Variants in NTM observed in about 807,000 individuals in gnomAD.
NTM encodes the protein neurotrimin.
Under a neutral mutation model 42.1 loss-of-function variants are expected in NTM, and 13 were observed. The ratio of observed to expected loss-of-function variants is 0.31; its 90% CI spans 0.20 to 0.49. NTM has a LOEUF of 0.49. Among genes scored for constraint, NTM ranks in the 20% least tolerant of loss-of-function variants. NTM has a pLI of 0.99. For missense variants in NTM, 373 were observed against 452.8 expected (o/e 0.82, Z 1.60); for synonymous variants, 187 against 179.2 (o/e 1.04, Z -0.35).
chr11:132,035,611 C>T (rs1565995419), intron 2 of NTM, among the ~76,000 whole-genome samples: 1 of 151,964 alleles, frequency 6.6e-6, no homozygotes, highest in Non-Finnish European at 1.5e-5. Context: ...TGTAAATTGG[C>T]TATTGGGCTA....
chr11:131,814,982 G>A (rs2092891116), intron 1 of NTM, among the ~76,000 whole-genome samples: 2 of 151,818 alleles, frequency 1.3e-5, no homozygotes, highest in African/African-American at 4.9e-5. Context: ...GCGGGCCATG[G>A]ATTTTGATCT....
At chr11:132,015,633 ATATTT>A (rs151321359) in intron 2 of NTM, among the ~76,000 whole-genome samples, 242 of 143,162 alleles carry the variant, frequency 1.7e-3, no homozygotes, top group South Asian at 7.9e-3. Context: ...TTATTCTTAG[ATATTT>A]TATTTTATTT....
At chr11:132,324,508 C>T (rs1474059085) in intron 7 of NTM, among the ~76,000 whole-genome samples, 6 of 151,548 alleles carry the variant, frequency 4.0e-5, no homozygotes, top group Non-Finnish European at 8.8e-5. Context: ...AACCACTGCT[C>T]AATGAAATCA....
chr11:131,868,531 C>T (rs971258652), intron 1 of NTM, among the ~76,000 whole-genome samples: 8 of 152,296 alleles, frequency 5.3e-5, no homozygotes, highest in Admixed American at 1.3e-4. Flanking sequence ...GAATCAAACC[C>T]GGCTGTAGCC....
At chr11:132,149,817 A>G (rs1182523636) in intron 3 of NTM, among the ~76,000 whole-genome samples, 1 of 152,152 alleles carries the variant, frequency 6.6e-6, no homozygotes, top group Non-Finnish European at 1.5e-5. Flanking sequence ...GGAGGAGACA[A>G]GAGAACTGAG....
chr11:132,071,993 T>C (rs1296409814), intron 2 of NTM, among the ~76,000 whole-genome samples: 2 of 152,148 alleles, frequency 1.3e-5, no homozygotes, highest in Non-Finnish European at 2.9e-5. Context: ...GTGGTTCTTA[T>C]AGGGATTGGC....
chr11:132,195,930 A>T (rs1349103014), intron 3 of NTM, among the ~76,000 whole-genome samples: 1 of 152,190 alleles, frequency 6.6e-6, no homozygotes, highest in African/African-American at 2.4e-5. Context: ...CAAAAGCAAT[A>T]GCAACAGAGC....
chr11:132,203,340 A>G (rs2081429121), intron 3 of NTM, among the ~76,000 whole-genome samples: 2 of 152,164 alleles, frequency 1.3e-5, no homozygotes, highest in South Asian at 4.1e-4. Context: ...ATAAAAAGTG[A>G]TTTCTTAACA....
chr11:131,380,901 T>C (rs2135520109), intron 1 of NTM, among the ~76,000 whole-genome samples: 1 of 152,346 alleles, frequency 6.6e-6, no homozygotes, highest in African/African-American at 2.4e-5. Context: ...ATAAAGCCAT[T>C]TTCTTAGATT....
At chr11:131,755,049 G>T (rs78941444) in intron 1 of NTM, among the ~76,000 whole-genome samples, 3 of 152,286 alleles carry the variant, frequency 2.0e-5, no homozygotes, top group Admixed American at 6.5e-5. Context: ...AGAGCCTTGG[G>T]TATTGATGGC....
At chr11:131,715,184 C>T (rs1188978847) in intron 1 of NTM, among the ~76,000 whole-genome samples, 2 of 152,300 alleles carry the variant, frequency 1.3e-5, no homozygotes, top group African/African-American at 2.4e-5. Flanking sequence ...CTGTTCCCTT[C>T]TCACCTGACA....
intron 2 of NTM, among the ~76,000 whole-genome samples, chr11:131,929,508 T>TG (rs1467568615): frequency 1.1e-5 from 1 of 90,030 alleles, no homozygotes; most frequent in Non-Finnish European, 2.5e-5. Flanking sequence ...AAACTTTCCG[T>TG]TTTTTTTGTA....
chr11:131,836,527 T>C (rs1338363618), intron 1 of NTM, among the ~76,000 whole-genome samples: 1 of 152,178 alleles, frequency 6.6e-6, no homozygotes, highest in Non-Finnish European at 1.5e-5. Flanking sequence ...TATTAATCAA[T>C]TTGTTTATTA....
intron 5 of NTM, among the ~76,000 whole-genome samples, chr11:132,308,879 A>C (rs1192203775): frequency 6.6e-6 from 1 of 152,228 alleles, no homozygotes; most frequent in Admixed American, 6.5e-5. Context: ...AAGCAAAGAA[A>C]AAATACGCTT....
chr11:132,046,921 C>T (rs192103742), intron 2 of NTM, among the ~76,000 whole-genome samples: 2 of 152,306 alleles, frequency 1.3e-5, no homozygotes, highest in East Asian at 3.9e-4. Context: ...GTTATTCTCT[C>T]ATATTGAGTA....
At chr11:132,259,377 G>T (rs2092701859) in intron 4 of NTM, among the ~76,000 whole-genome samples, 1 of 152,084 alleles carries the variant, frequency 6.6e-6, no homozygotes, top group Non-Finnish European at 1.5e-5. Context: ...GCACTGCAGG[G>T]TCAGCTGTAA....
At chr11:131,465,946 A>G (rs942664376) in intron 1 of NTM, among the ~76,000 whole-genome samples, 1 of 152,256 alleles carries the variant, frequency 6.6e-6, no homozygotes, top group Admixed American at 6.5e-5. Context: ...GCTGATGACC[A>G]CAAGGGGGCA....
At chr11:131,463,653 A>T (rs1332066438) in intron 1 of NTM, among the ~76,000 whole-genome samples, 2 of 152,258 alleles carry the variant, frequency 1.3e-5, no homozygotes, top group Non-Finnish European at 2.9e-5. Context: ...TATTACTGTT[A>T]TCGTGAACTA....
At chr11:132,021,846 T>C (rs892653856) in intron 2 of NTM, among the ~76,000 whole-genome samples, 2 of 152,180 alleles carry the variant, frequency 1.3e-5, no homozygotes, top group Non-Finnish European at 2.9e-5. Flanking sequence ...TCTCCTGATA[T>C]TTGCTTCCTA....
Sources: gnomAD v4.1 joint callset for allele counts (sites outside exome capture counted in the v4.1 genomes callset) on GRCh38, gnomAD v4.1.1 for gene constraint, MANE v1.5 for transcripts, NCBI Gene and HGNC (gene_info 2026-07-23, HGNC 2026-07-21) for gene names.